Variants in CLTCL1 observed in about 807,000 individuals in gnomAD.
CLTCL1 encodes the protein clathrin heavy chain like 1, also known as clathrin heavy chain 2.
A neutral mutation model predicts 190.0 loss-of-function variants in CLTCL1; 159 were observed. The ratio of observed to expected loss-of-function variants is 0.84; its 90% CI spans 0.74 to 0.95. The LOEUF (loss-of-function observed/expected upper bound fraction) is 0.95. CLTCL1 is among the 40% of genes least tolerant of loss of function. The pLI is 0.00. For missense variants in CLTCL1, 1,878 were observed against 2,033.4 expected, an observed-to-expected ratio of 0.92 and a Z score of 1.47; for synonymous variants, 752 against 769.6, an observed-to-expected ratio of 0.98 and a Z score of 0.38.
At chr22:19,202,255 C>A (rs571207794) in intron 22 of CLTCL1, among the ~76,000 whole-genome samples, 1 of 152,192 alleles carries the variant, frequency 6.6e-6, no homozygotes, top group South Asian at 2.1e-4. Flanking sequence ...CCATTCCATA[C>A]CTGTGGCTGC....
chr22:19,188,125 C>T, intron 27 of CLTCL1, 34 bp from the exon 28 acceptor site: 1 of 1,600,092 alleles, frequency 6.2e-7, no homozygotes, highest in Non-Finnish European at 8.6e-7. Flanking sequence ...AGGCACTTGG[C>T]CAAGCTTGTT....
Position 19,234,630 on chromosome 22 carries a change from A to C in CLTCL1, c.1046T>G (p.Leu349Arg). 6.2e-7 allele frequency: 1 copy of C among 1,614,066 alleles called. No individual in the cohort carries two copies. The highest frequency in any genetic ancestry group is 1.1e-5 in the South Asian group (1 of 91,090). ...CAGGTTACTACGAACGGCCAAACGCAGACCAAGGTCTGGATTCTGAAGCAC... is the reference window on the plus strand; with the variant it reads ...CAGGTTACTACGAACGGCCAAACGCCGACCAAGGTCTGGATTCTGAAGCAC... ...TNVLQNPDLGLRLAVRSNLAG... is the reference protein window; with the variant it reads ...TNVLQNPDLGRRLAVRSNLAG... The change falls in exon 7 of 33, where the codon CTG becomes CGG. Residue 349 changes from leucine to arginine, a missense_variant. Physicochemically the swap from Leu to Arg is moderately radical, Grantham distance 102. Transcript: ENST00000427926.
chr22:19,230,367 G>A (rs1303758455), intron 10 of CLTCL1, among the ~76,000 whole-genome samples: 4 of 152,068 alleles, frequency 2.6e-5, no homozygotes, highest in African/African-American at 7.2e-5. Flanking sequence ...GCCTCCCAAA[G>A]TGCTGAGACT....
intron 2 of CLTCL1, among the ~76,000 whole-genome samples, chr22:19,254,538 T>C (rs1219972700): frequency 1.3e-5 from 2 of 152,218 alleles, no homozygotes; most frequent in Admixed American, 6.5e-5. Flanking sequence ...TGGTTTCTTC[T>C]AGTTTTAAAA....
chr22:19,275,946 A>T, intron 1 of CLTCL1, 116 bp from the exon 2 acceptor site: 1 of 706,568 alleles, frequency 1.4e-6, no homozygotes, highest in East Asian at 3.3e-5. Context: ...CATTAGGTAA[A>T]CACTTGAAGG....
chr22:19,191,390 C>T lies in CLTCL1; in HGVS notation c.4237G>A (p.Asp1413Asn). The T allele has an allele frequency of 6.2e-7, 1 of 1,613,968 alleles. No homozygotes were observed. Among genetic ancestry groups the T allele is most frequent in the South Asian group, 1.1e-5 (1 of 91,086 alleles). Residue 1413 changes from aspartate (D) to asparagine (N), a missense_variant, in exon 27 of 33, where the codon GAT becomes AAT. Physicochemically the swap from Asp to Asn is conservative, Grantham distance 23. Coordinates refer to ENST00000427926, the MANE Select transcript of CLTCL1 (RefSeq NM_007098.4). ...TCATTGATGAGCAGTGGTTTGTAAT[C>T]CAAATAGAACTGCAGGGCTCTGTAA... is the stretch of plus-strand genomic sequence containing the variant. ...LCYRALQFYL[D>N]YKPLLINDLL... is the part of the protein sequence containing the mutation.
At position 19,184,715 on chromosome 22, in the gene CLTCL1, T is replaced by C. The variant is rs1601427802; in HGVS notation, c.4606-1104A>G. On this transcript the variant is annotated intron_variant, in intron 29 of 32. Transcript: ENST00000427926. ...AAAGTGGGCCCTGCTCTGTTCCTCC[T>C]CTGTGGGCCTTGGGGACTGTCTCAC... 4 of 372,460 alleles carry C rather than the reference T, an allele frequency of 1.1e-5. No homozygotes were observed. In the East Asian group the frequency reaches 3.0e-4, roughly 28 times the overall value. The allele number at this position is 372,460 out of a possible 1,614,324, so 23.1% of individuals were successfully genotyped here.
intron 2 of CLTCL1, among the ~76,000 whole-genome samples, chr22:19,261,364 C>A (rs1256018546): frequency 5.3e-5 from 8 of 152,186 alleles, no homozygotes; most frequent in Non-Finnish European, 7.3e-5. Flanking sequence ...CCCGCCTCAG[C>A]CTCCCACAGT....
At chr22:19,244,651 G>C (rs2086361341) in intron 3 of CLTCL1, among the ~76,000 whole-genome samples, 1 of 152,206 alleles carries the variant, frequency 6.6e-6, no homozygotes, top group Non-Finnish European at 1.5e-5. Context: ...CGAAGAGGCA[G>C]AGAAGACAGA....
chr22:19,238,979 C>T (rs1464522532), intron 5 of CLTCL1, among the ~76,000 whole-genome samples: 1 of 152,198 alleles, frequency 6.6e-6, no homozygotes, highest in East Asian at 1.9e-4. Context: ...TAAATATTCT[C>T]ATACCACAGT....
chr22:19,192,370 G>A (rs1243394679), intron 26 of CLTCL1, among the ~76,000 whole-genome samples: 7 of 152,138 alleles, frequency 4.6e-5, no homozygotes, highest in African/African-American at 7.2e-5. Context: ...CAGCCCTGGC[G>A]ATGTCATTTG....
rs1555957900 is a variant in CLTCL1 at position 19,229,855 on chromosome 22, G to A, written c.1765C>T (p.Leu589Phe). Residue 589 changes from leucine (L) to phenylalanine (F), a missense_variant, in exon 11 of 33, where the codon CTT becomes TTT. Leu to Phe is a conservative substitution (Grantham distance 22, BLOSUM62 0). Transcript: ENST00000427926. ...TCACTGACCTGGGGTGCATGAACAA[G>A]GTTCATCTCCAACAGCCATGTCTGC... ...LLQTWLLEMN[L>F]VHAPQVADAI... is the part of the protein sequence containing the mutation. The A allele has an allele frequency of 6.2e-7, 1 of 1,609,894 alleles. No homozygotes were observed. Among genetic ancestry groups the A allele is most frequent in the Non-Finnish European group, 8.5e-7 (1 of 1,178,484 alleles).
In CLTCL1 at chr22:19,240,646, C is replaced by T. The variant is rs12627783; in HGVS notation, c.682-1258G>A. Reference sequence around the variant, plus strand: ...CTGGCTAGGCCTATTGGTAAGAAGGCGTGAAGCAGGTCTGAGGACCTAATA... The same window carrying T: ...CTGGCTAGGCCTATTGGTAAGAAGGTGTGAAGCAGGTCTGAGGACCTAATA... On this transcript the variant is annotated intron_variant, in intron 4 of 32. Transcript: ENST00000427926. Among the ~76,000 whole-genome samples the T allele has an allele frequency of 9.5e-3, 1,448 of 152,222 alleles. 34 individuals carry two copies. Among genetic ancestry groups the T allele is most frequent in the East Asian group, 0.068 (350 of 5,174 alleles).
rs1555993835 is a variant in CLTCL1 at position 19,291,596 on chromosome 22, T to G, written c.42+4A>C. On this transcript the variant is annotated splice_donor_region_variant and intron_variant, in intron 1 of 32. Transcript: ENST00000427926. ...GGGCAGCCCCCCAGCCCGCCGGGCCTCACCTGGAAGTGCTCCTGAAAGCGA... is the reference window on the plus strand; with the variant it reads ...GGGCAGCCCCCCAGCCCGCCGGGCCGCACCTGGAAGTGCTCCTGAAAGCGA... 8.6e-6 allele frequency: 12 copies of G among 1,390,172 alleles called. No individual in the cohort carries two copies. Among genetic ancestry groups the G allele is most frequent in the Non-Finnish European group, 1.1e-5 (12 of 1,058,454 alleles). The allele number at this position is 1,390,172 out of a possible 1,614,324, so 86.1% of individuals were successfully genotyped here.
At chr22:19,254,317 A>G in intron 2 of CLTCL1, 90 bp from the exon 3 acceptor site, 1 of 1,154,412 alleles carries the variant, frequency 8.7e-7, no homozygotes, top group Non-Finnish European at 1.2e-6. Flanking sequence ...TTCTTTTAAT[A>G]TTACTTTAGG....
At chr22:19,254,720 A>G (rs1312100045) in intron 2 of CLTCL1, among the ~76,000 whole-genome samples, 2 of 152,210 alleles carry the variant, frequency 1.3e-5, no homozygotes, top group Non-Finnish European at 2.9e-5. Flanking sequence ...GATATATTCT[A>G]TATTTGTATC....
At position 19,207,539 on chromosome 22, in the gene CLTCL1, C is replaced by G. The variant is rs529870512; in HGVS notation, c.3600+615G>C. 11 of 401,994 alleles carry G rather than the reference C, an allele frequency of 2.7e-5. No homozygotes were observed. In the East Asian group the frequency reaches 3.2e-4, roughly 12 times the overall value. 24.9% of individuals were successfully genotyped at this position (401,994 alleles called of 1,614,324 possible). A position where few individuals can be genotyped will look rare whatever the true frequency, so the allele number is the denominator to read the frequency against. On this transcript the variant is annotated intron_variant, in intron 22 of 32. Transcript: ENST00000427926. ...TTACTTCCTCGTGTGGCTTGCTTCTCATGATCTTTATCTGCATCACACTAA... is the reference window on the plus strand; with the variant it reads ...TTACTTCCTCGTGTGGCTTGCTTCTGATGATCTTTATCTGCATCACACTAA...
chr22:19,190,596 C>CAAAAAAAAAAAAAAAAAAAAA (rs55780206), intron 27 of CLTCL1, among the ~76,000 whole-genome samples: 7 of 72,820 alleles, frequency 9.6e-5, no homozygotes, highest in South Asian at 5.8e-4. Context: ...AAGACTGTCT[C>CAAAAAAAAAAAAAAAAAAAAA]AAAAAAAAAA....
Position 19,199,854 on chromosome 22 carries a change from G to A in CLTCL1, c.3766-13C>T. ...AGGCAAAGCACACCTAGGGGACGGA[G>A]GGCAAGCGTGAGGGTCCCCAAGACA... On this transcript the variant is annotated splice_polypyrimidine_tract_variant and intron_variant, in intron 23 of 32. Transcript: ENST00000427926. The A allele has an allele frequency of 1.3e-6, 2 of 1,570,744 alleles. No individual in the cohort carries two copies. The highest frequency in any genetic ancestry group is 1.2e-5 in the South Asian group (1 of 85,518).
Sources: gnomAD v4.1 joint callset for allele counts (sites outside exome capture counted in the v4.1 genomes callset) on GRCh38, gnomAD v4.1.1 for gene constraint, MANE v1.5 for transcripts, NCBI Gene and HGNC (gene_info 2026-07-23, HGNC 2026-07-21) for gene names.